The following MDGA1 variants were observed in gnomAD, a reference collection of about 807,000 sequenced individuals.
MDGA1 encodes the protein MAM domain containing glycosylphosphatidylinositol anchor 1, also known as MAM domain-containing glycosylphosphatidylinositol anchor protein 1.
Under a neutral mutation model 101.5 loss-of-function variants are expected in MDGA1, and 54 were observed. The observed-to-expected ratio is 0.53, with a 90% CI of 0.43 to 0.67. MDGA1 has a LOEUF of 0.67. MDGA1 is among the 30% of genes least tolerant of loss of function. The pLI is 0.00. For missense variants in MDGA1, 1,083 were observed against 1,323.8 expected (o/e 0.82, Z 2.82); for synonymous variants, 533 against 558.3 (o/e 0.95, Z 0.64).
rs1180320718 is a variant in MDGA1 at position 37,633,544 on chromosome 6, G to C, written c.*3824C>G. Reference sequence around the variant, plus strand: ...TGTGAAGTCACAGGGGAGAGGAGGGGAAACAGGGTCTCTTCTGTCTGGGGG... The same window carrying C: ...TGTGAAGTCACAGGGGAGAGGAGGGCAAACAGGGTCTCTTCTGTCTGGGGG... On this transcript the variant is annotated 3_prime_UTR_variant, in exon 17 of 17. Transcript: ENST00000434837. 1 of 152,374 alleles carries C rather than the reference G, an allele frequency of 6.6e-6. No homozygotes were observed. 9.4% of individuals were successfully genotyped at this position (152,374 alleles called of 1,614,324 possible). A position where few individuals can be genotyped will look rare whatever the true frequency, so the allele number is the denominator to read the frequency against.
intron 14 of MDGA1, chr6:37,643,233 T>A (rs1764133231): frequency 6.6e-6 from 1 of 152,142 alleles, no homozygotes; most frequent in Admixed American, 6.6e-5. Flanking sequence ...GTCTTCTCCA[T>A]CCCCTCCACT....
intron 2 of MDGA1, among the ~76,000 whole-genome samples, chr6:37,662,634 CAAA>C (rs59902841): frequency 2.3e-5 from 1 of 44,012 alleles, no homozygotes. Flanking sequence ...GACCCCATCT[CAAA>C]AAAAAAAAAA....
rs1350065484 is a variant in MDGA1 at position 37,638,442 on chromosome 6, T to C, written c.2667+95A>G. On this transcript the variant is annotated intron_variant, in intron 15 of 16. Coordinates refer to ENST00000434837, the MANE Select transcript of MDGA1 (RefSeq NM_153487.4). This position sits in a 1 kb window ranked among gnomAD's most constrained non-coding sequence, Gnocchi z 4.8. ...CCCCTAACCTGACTCTTTCCATCCT[T>C]AGCCCCCAGGAAGAAGGACAAGGTT... 1.9e-5 allele frequency: 30 copies of C among 1,574,516 alleles called. No homozygotes were observed. The highest frequency in any genetic ancestry group is 2.7e-5 in the African/African-American group (2 of 74,116).
chr6:37,650,315 T>A lies in MDGA1; in HGVS notation c.1403A>T (p.Lys468Met). 2 of 1,592,712 alleles carry A rather than the reference T, an allele frequency of 1.3e-6. No homozygotes were observed. Among genetic ancestry groups the A allele is most frequent in the Non-Finnish European group, 1.7e-6 (2 of 1,172,226 alleles). ...PAELQCEVRG[K>M]PRPPVLWSRV... is the part of the protein sequence containing the mutation. ...GGACCAGAGCACTGGCGGCCGCGGC[T>A]TGCCCCGCACCTCGCATTGCAGCTC... is the stretch of plus-strand genomic sequence containing the variant. Residue 468 changes from lysine to methionine, a missense_variant, in exon 8 of 17, where the codon AAG becomes ATG. Coordinates refer to ENST00000434837, the MANE Select transcript of MDGA1 (RefSeq NM_153487.4).
In MDGA1 at chr6:37,638,212, G is replaced by C; in HGVS notation, c.2769C>G (p.Pro923=). The C allele has an allele frequency of 1.9e-6, 3 of 1,612,622 alleles. No homozygotes were observed. The highest frequency in any genetic ancestry group is 2.5e-6 in the Non-Finnish European group (3 of 1,179,110). The change falls in exon 16 of 17, where the codon CCC becomes CCG. Residue 923 remains proline (P), a synonymous_variant. Transcript: ENST00000434837. The surrounding 1 kb of genome is among the most constrained non-coding windows in gnomAD (Gnocchi z 4.8). ...CTCCTTCCCGTCTTGCACCTTTATT[G>C]GGATCCGTCTGCTTCCGGGGACACT... ...KGECPRKQTD[P]NKVVVMPGSG...
At chr6:37,694,880 G>A (rs1261416957) in intron 1 of MDGA1, among the ~76,000 whole-genome samples, 1 of 152,182 alleles carries the variant, frequency 6.6e-6, no homozygotes, top group East Asian at 1.9e-4. Context: ...AGGCGGGAGG[G>A]GAGAAAACAC....
At chr6:37,644,427 C>A in intron 13 of MDGA1, 70 bp downstream of exon 13, 1 of 1,410,888 alleles carries the variant, frequency 7.1e-7, no homozygotes, top group Non-Finnish European at 9.3e-7. Context: ...CATCCCCAGT[C>A]TGGGGTGCCC....
intron 3 of MDGA1, among the ~76,000 whole-genome samples, chr6:37,656,549 T>C (rs2114034340): frequency 6.6e-6 from 1 of 152,062 alleles, no homozygotes; most frequent in Admixed American, 6.5e-5. Context: ...ATTTTTGTAT[T>C]TTTTGTACAG....
chr6:37,652,240 T>C lies in MDGA1; in HGVS notation c.1083A>G (p.Ala361=), dbSNP rs994951412. The stretch of plus-strand genomic sequence containing the variant: ...GGTAGGTCACCTTCTCCTGGGGCAC[T>C]GCATCCACGTGGCACGATAGCTTCA... ...QDLKLSCHVD[A]VPQEKVTYQW... is the part of the protein sequence containing the mutation. Residue 361 remains alanine (A), a synonymous_variant, in exon 7 of 17, where the codon GCA becomes GCG. Transcript: ENST00000434837. This position sits in a 1 kb window ranked among gnomAD's most constrained non-coding sequence, Gnocchi z 4.3. 1 of 1,613,932 alleles carries C rather than the reference T, an allele frequency of 6.2e-7. No homozygotes were observed. The highest frequency in any genetic ancestry group is 1.3e-5 in the African/African-American group (1 of 74,954).
At chr6:37,642,713 A>G (rs1458327526) in intron 14 of MDGA1, among the ~76,000 whole-genome samples, 2 of 152,190 alleles carry the variant, frequency 1.3e-5, no homozygotes, top group African/African-American at 4.8e-5. Flanking sequence ...GGGGTCAGGC[A>G]GGTCTCCCTG....
At chr6:37,639,291 G>A (rs968542162) in intron 14 of MDGA1, 1 of 152,730 alleles carries the variant, frequency 6.5e-6, no homozygotes, top group Non-Finnish European at 1.5e-5. Context: ...AAAGCTTGCA[G>A]GAGGCAGATT....
chr6:37,682,401 T>C (rs1322734805), intron 1 of MDGA1, among the ~76,000 whole-genome samples: 1 of 152,186 alleles, frequency 6.6e-6, no homozygotes, highest in Non-Finnish European at 1.5e-5. Flanking sequence ...GGAGAATCCC[T>C]TGAACCCAAG....
chr6:37,667,797 T>C (rs1761786115), intron 1 of MDGA1, among the ~76,000 whole-genome samples: 2 of 152,170 alleles, frequency 1.3e-5, no homozygotes, highest in East Asian at 1.9e-4. Flanking sequence ...TAAGGAATAC[T>C]GAAAAAGAGC....
chr6:37,668,940 T>C (rs9296231), intron 1 of MDGA1, among the ~76,000 whole-genome samples: 41,778 of 151,918 alleles, frequency 0.28, 6,240 homozygotes, highest in African/African-American at 0.38. Flanking sequence ...CTCTGCCTCC[T>C]GGGTTCAAGC....
At chr6:37,672,673 A>T (rs190654504) in intron 1 of MDGA1, among the ~76,000 whole-genome samples, 11 of 152,262 alleles carry the variant, frequency 7.2e-5, no homozygotes, top group Non-Finnish European at 1.3e-4. Context: ...CAGAAGCATC[A>T]CTGAGTGTTC....
Position 37,696,869 on chromosome 6 carries a change from C to A in MDGA1, c.-58G>T, listed in dbSNP as rs879164946. 3 of 1,474,136 alleles carry A rather than the reference C, an allele frequency of 2.0e-6. No homozygotes were observed. The Admixed American group carries it at 5.9e-5, about 29-fold the overall frequency. 91.3% of individuals were successfully genotyped at this position (1,474,136 alleles called of 1,614,324 possible). On this transcript the variant is annotated 5_prime_UTR_variant, in exon 1 of 17. Transcript: ENST00000434837. The surrounding 1 kb of genome is among the most constrained non-coding windows in gnomAD (Gnocchi z 5.6). ...GCGCAGCCCGAGAGGCGGCGGGGGGCGCATTCGCCGGGGCCCCGCGACGCC... is the reference window on the plus strand; with the variant it reads ...GCGCAGCCCGAGAGGCGGCGGGGGGAGCATTCGCCGGGGCCCCGCGACGCC...
chr6:37,650,493 C>T (rs1205905862), intron 7 of MDGA1, 88 bp from the exon 8 acceptor site: 1 of 1,336,894 alleles, frequency 7.5e-7, no homozygotes, highest in Non-Finnish European at 9.8e-7. Context: ...GCTTACCTCC[C>T]GCTAGGGGCA....
chr6:37,637,903 A>T, intron 16 of MDGA1: 1 of 527,574 alleles, frequency 1.9e-6, no homozygotes, highest in South Asian at 3.4e-5. Context: ...GCACACGTTC[A>T]CCTCTGGAGC....
chr6:37,655,018 C>A lies in MDGA1; in HGVS notation c.580-86G>T. ...CTCATTCACCCAGCACCAGAGCCTA[C>A]CACAAATGCCTGTCTAATTCCTCTC... is the stretch of plus-strand genomic sequence containing the variant. On this transcript the variant is annotated intron_variant, in intron 4 of 16. Transcript: ENST00000434837. This position sits in a 1 kb window ranked among gnomAD's most constrained non-coding sequence, Gnocchi z 5.1. 1 of 1,491,524 alleles carries A rather than the reference C, an allele frequency of 6.7e-7. No homozygotes were observed. Among genetic ancestry groups the A allele is most frequent in the Non-Finnish European group, 9.1e-7 (1 of 1,102,484 alleles). The allele number at this position is 1,491,524 out of a possible 1,614,324, so 92.4% of individuals were successfully genotyped here. A position where few individuals can be genotyped will look rare whatever the true frequency, so the allele number is the denominator to read the frequency against.
Sources: allele counts gnomAD v4.1 joint callset (sites outside exome capture counted in the v4.1 genomes callset), GRCh38; gene constraint gnomAD v4.1.1; non-coding constraint Gnocchi (gnomAD v3.1); transcripts MANE v1.5; gene names NCBI Gene and HGNC (gene_info 2026-07-23, HGNC 2026-07-21).